Variants in OAT observed in about 807,000 individuals in gnomAD.
OAT encodes ornithine aminotransferase, mitochondrial.
A neutral mutation model predicts 48.4 loss-of-function variants in OAT; 35 were observed. The observed-to-expected ratio is 0.72, with a 90% CI of 0.55 to 0.96. The LOEUF is 0.96. Among genes scored for constraint, OAT ranks in the 40% least tolerant of loss-of-function variants. The probability of loss-of-function intolerance (pLI) is 0.00; values close to 1 mark genes in which losing one functional copy is unlikely to be tolerated. For synonymous variants in OAT, 182 were observed against 198.4 expected, an observed-to-expected ratio of 0.92 and a Z score of 0.70; for missense variants, 438 against 537.9, an observed-to-expected ratio of 0.81 and a Z score of 1.84.
At chr10:124,404,758 A>C (rs1006305454) in intron 5 of OAT, among the ~76,000 whole-genome samples, 3 of 152,142 alleles carry the variant, frequency 2.0e-5, no homozygotes, top group African/African-American at 7.2e-5. Flanking sequence ...CCTAAATTAA[A>C]TCTGGCTGGG....
chr10:124,411,337 T>C (rs1951744688), intron 2 of OAT, among the ~76,000 whole-genome samples: 2 of 152,160 alleles, frequency 1.3e-5, no homozygotes, highest in South Asian at 2.1e-4. Flanking sequence ...TCAGTACTAT[T>C]TGTTACAACT....
Position 124,400,989 on chromosome 10 carries a change from G to A in OAT, c.1015-5C>T, listed in dbSNP as rs764963374. The A allele has an allele frequency of 4.3e-5, 69 of 1,604,952 alleles. No homozygotes were observed. Among genetic ancestry groups the A allele is most frequent in the Admixed American group, 3.5e-4 (21 of 59,582 alleles). On this transcript the variant is annotated splice_region_variant and splice_polypyrimidine_tract_variant and intron_variant, in intron 8 of 9. Transcript: ENST00000368845. The stretch of plus-strand genomic sequence containing the variant: ...AAGGTTTTCTTCTTCTAAAACCTAC[G>A]TTTAAAGAAAAATTATACAAATATT...
Position 124,398,076 on chromosome 10 carries a change from G to C in OAT, c.1186C>G (p.Arg396Gly), listed in dbSNP as rs121965036. 5 of 1,614,052 alleles carry C rather than the reference G, an allele frequency of 3.1e-6. No individual in the cohort carries two copies. Among genetic ancestry groups the C allele is most frequent in the Non-Finnish European group, 4.2e-6 (5 of 1,179,972 alleles). Residue 396 changes from arginine (R) to glycine (G), a missense_variant, in exon 10 of 10, where the codon CGA becomes GGA. Physicochemically the swap from Arg to Gly is moderately radical, Grantham distance 125 (BLOSUM62 -2). Coordinates refer to ENST00000368845, the MANE Select transcript of OAT (RefSeq NM_000274.4). ...GCCAGAAGTCCATTATCTCGAAGTC[G>C]TAGACACACCTTCCAAGCATCCCAA... ...KDWDAWKVCL[R>G]LRDNGLLAKP...
chr10:124,412,304 A>G (rs1471544284), intron 1 of OAT, 104 bp from the exon 2 acceptor site: 11 of 847,718 alleles, frequency 1.3e-5, no homozygotes, highest in Non-Finnish European at 1.7e-5. Context: ...TGAGCCCAGG[A>G]GTTTGAGACC....
chr10:124,407,280 C>T (rs145355356), intron 4 of OAT: 1 of 985,474 alleles, frequency 1.0e-6, no homozygotes, highest in East Asian at 1.1e-4. Flanking sequence ...CAGTCACTTA[C>T]CCTGCAGGTA....
At chr10:124,415,012 G>A (rs1951875659) in intron 1 of OAT, 1 of 135,686 alleles carries the variant, frequency 7.4e-6, no homozygotes, top group Non-Finnish European at 1.5e-5. Flanking sequence ...TGAGCCCTGA[G>A]TTCTGGGCTG....
intron 5 of OAT, among the ~76,000 whole-genome samples, chr10:124,405,139 TA>T (rs1397044383): frequency 6.6e-6 from 1 of 152,198 alleles, no homozygotes; most frequent in Non-Finnish European, 1.5e-5. Context: ...TTCATAATTT[TA>T]AAAAGCTAGC....
At chr10:124,401,517 A>C (rs974029621) in intron 8 of OAT, among the ~76,000 whole-genome samples, 3 of 152,262 alleles carry the variant, frequency 2.0e-5, no homozygotes, top group Admixed American at 6.5e-5. Context: ...CTGTGAACTC[A>C]GGAAGCCCAC....
intron 6 of OAT, 101 bp downstream of exon 6, chr10:124,403,697 A>G (rs2134459025): frequency 1.3e-6 from 2 of 1,498,860 alleles, no homozygotes; most frequent in South Asian, 1.1e-5. Flanking sequence ...CATTTATCCA[A>G]TCAGCAGAAT....
rs1471556793 is a variant in OAT at position 124,403,881 on chromosome 10, C to T, written c.688G>A (p.Glu230Lys). 2 of 1,614,146 alleles carry T rather than the reference C, an allele frequency of 1.2e-6. No homozygotes were observed. The highest frequency in any genetic ancestry group is 8.5e-7 in the Non-Finnish European group (1 of 1,179,998). The change falls in exon 6 of 10, where the codon GAA becomes AAA. Residue 230 changes from glutamate to lysine, a missense_variant. By Grantham distance (56) the Glu-to-Lys change is moderately conservative. Transcript: ENST00000368845. ...QDPNVAAFMV[E>K]PIQGEAGVVV... ...ACGCCTGCTTCACCCTGAATTGGTT[C>T]TACCATGAACGCAGCCACATTTGGA...
intron 7 of OAT, 121 bp from the exon 8 acceptor site, chr10:124,401,960 C>A: frequency 1.4e-6 from 1 of 738,436 alleles, no homozygotes; most frequent in Admixed American, 2.0e-5. Flanking sequence ...CAGCTCACTG[C>A]AATCTCTGCC....
intron 5 of OAT, among the ~76,000 whole-genome samples, chr10:124,404,373 T>C (rs1951511059): frequency 6.6e-6 from 1 of 151,844 alleles, no homozygotes; most frequent in Non-Finnish European, 1.5e-5. Flanking sequence ...GTTCCAGCAA[T>C]TCTCCTGCCT....
At chr10:124,408,311 GTGTGTGTA>G (rs1347290758) in intron 4 of OAT, among the ~76,000 whole-genome samples, 9 of 61,608 alleles carry the variant, frequency 1.5e-4, no homozygotes, top group African/African-American at 4.2e-4. Context: ...GTGTGTGTGT[GTGTGTGTA>G]TATATATATA....
intron 8 of OAT, 72 bp downstream of exon 8, chr10:124,401,643 TTATTATACCAG>T: frequency 4.4e-6 from 4 of 919,196 alleles, no homozygotes; most frequent in Non-Finnish European, 7.0e-6. Flanking sequence ...ATTGAATTTT[TTATTATACCAG>T]TGGGCCCAAA....
chr10:124,411,925 A>G (rs369468484), intron 2 of OAT, 48 bp downstream of exon 2: 61 of 1,569,244 alleles, frequency 3.9e-5, no homozygotes, highest in Non-Finnish European at 4.8e-5. Context: ...ATTTTTTTTT[A>G]TAAAAGGTTT....
chr10:124,403,549 G>T (rs1014353559), intron 6 of OAT, among the ~76,000 whole-genome samples: 1 of 152,212 alleles, frequency 6.6e-6, no homozygotes, highest in Admixed American at 6.5e-5. Context: ...GTTAAGACCA[G>T]GTCTGCAGTT....
intron 1 of OAT, among the ~76,000 whole-genome samples, chr10:124,417,286 T>C (rs1394486738): frequency 8.1e-6 from 1 of 123,776 alleles, no homozygotes; most frequent in Non-Finnish European, 1.8e-5. Flanking sequence ...CTATAAGCTT[T>C]TTTTTTTTTT....
At chr10:124,406,688 C>T (rs903063776) in intron 4 of OAT, among the ~76,000 whole-genome samples, 5 of 150,666 alleles carry the variant, frequency 3.3e-5, no homozygotes, top group South Asian at 2.1e-4. Flanking sequence ...TGGTGGTGGG[C>T]GCCTGTAATC....
intron 2 of OAT, among the ~76,000 whole-genome samples, chr10:124,411,148 A>AAG: frequency 6.9e-6 from 1 of 144,814 alleles, no homozygotes; most frequent in African/African-American, 2.6e-5. Context: ...TCAAAAAAAA[A>AAG]AAAAAAAAAA....
Sources: gnomAD v4.1 joint callset for allele counts (sites outside exome capture counted in the v4.1 genomes callset) on GRCh38, gnomAD v4.1.1 for gene constraint, MANE v1.5 for transcripts, NCBI Gene and HGNC (gene_info 2026-07-23, HGNC 2026-07-21) for gene names.